TNFSF4: variants seen among roughly 807,000 people sequenced by gnomAD.
The protein encoded by TNFSF4 is TNF superfamily member 4, also known as tumor necrosis factor ligand superfamily member 4.
Under a neutral mutation model 7.3 loss-of-function variants are expected in TNFSF4, and 4 were observed. That is an observed-to-expected ratio of 0.55 (90% CI 0.27 to 1.25). TNFSF4 has a LOEUF of 1.25. Among genes scored for constraint, TNFSF4 ranks in the 50% most tolerant of loss-of-function variants. The probability of loss-of-function intolerance (pLI) is 0.12; values close to 1 mark genes in which losing one functional copy is unlikely to be tolerated. For synonymous variants in TNFSF4, 76 were observed against 83.7 expected (o/e 0.91, Z 0.50); for missense variants, 181 against 208.8 (o/e 0.87, Z 0.82).
chr1:173,440,060 T>C, the TNFSF4 span, among the ~76,000 whole-genome samples: 28,343 of 152,184 alleles, frequency 0.19, 2,716 homozygotes, highest in East Asian at 0.31. Flanking sequence ...AGAATCCCTT[T>C]CTACCCTTAT....
chr1:173,393,729 G>C, the TNFSF4 span, among the ~76,000 whole-genome samples: 2 of 152,220 alleles, frequency 1.3e-5, no homozygotes, highest in Non-Finnish European at 2.9e-5. Context: ...TTACAACTGA[G>C]ACTATCTGTA....
chr1:173,361,596 C>T, the TNFSF4 span, among the ~76,000 whole-genome samples: 2 of 151,736 alleles, frequency 1.3e-5, no homozygotes, highest in East Asian at 3.9e-4. Flanking sequence ...AAGACTCCAT[C>T]TCCAAAAAAA....
chr1:173,204,292 A>G (rs749646743), intron 1 of TNFSF4, among the ~76,000 whole-genome samples: 4 of 152,214 alleles, frequency 2.6e-5, no homozygotes, highest in Non-Finnish European at 5.9e-5. Flanking sequence ...CTACTTTCTC[A>G]TAATACAGAT....
chr1:173,398,431 T>TTTTTTTTTTTTTTG, the TNFSF4 span, among the ~76,000 whole-genome samples: 1 of 124,466 alleles, frequency 8.0e-6, no homozygotes, highest in African/African-American at 3.1e-5. Context: ...TTTTTTTTTT[T>TTTTTTTTTTTTTTG]GTTCTCTTTT....
intron 1 of TNFSF4, among the ~76,000 whole-genome samples, chr1:173,192,052 C>T (rs1181346038): frequency 6.6e-6 from 1 of 152,192 alleles, no homozygotes; most frequent in African/African-American, 2.4e-5. Context: ...TGGTATGCAC[C>T]TGTAATCTTA....
intron 1 of TNFSF4, among the ~76,000 whole-genome samples, chr1:173,204,235 T>C (rs966986679): frequency 4.6e-5 from 7 of 152,178 alleles, no homozygotes; most frequent in Admixed American, 3.3e-4. Context: ...ATAAACTATA[T>C]ACTCATAAGA....
the TNFSF4 span, among the ~76,000 whole-genome samples, chr1:173,312,392 G>A: frequency 6.6e-6 from 1 of 152,058 alleles, no homozygotes; most frequent in Non-Finnish European, 1.5e-5. Flanking sequence ...TTGTGTTTGA[G>A]TGAATTTCCT....
chr1:173,423,111 TTAAG>T, the TNFSF4 span, among the ~76,000 whole-genome samples: 5 of 152,076 alleles, frequency 3.3e-5, no homozygotes, highest in Admixed American at 6.5e-5. Flanking sequence ...TATATCTTAA[TTAAG>T]TTATTAATAT....
At chr1:173,206,189 C>G (rs1274778376) in intron 1 of TNFSF4, among the ~76,000 whole-genome samples, 1 of 151,800 alleles carries the variant, frequency 6.6e-6, no homozygotes, top group Non-Finnish European at 1.5e-5. Flanking sequence ...CAAAGGAACA[C>G]GAAGAGAGTA....
chr1:173,400,476 C>G, the TNFSF4 span, among the ~76,000 whole-genome samples: 459 of 152,258 alleles, frequency 3.0e-3, 1 homozygote, highest in African/African-American at 0.01. Flanking sequence ...TTATGTTCTG[C>G]CTGCCTAGAG....
At chr1:173,433,540 CAA>C in the TNFSF4 span, among the ~76,000 whole-genome samples, 1 of 141,152 alleles carries the variant, frequency 7.1e-6, no homozygotes, top group Non-Finnish European at 1.6e-5. Context: ...ACAAAAAATA[CAA>C]AAAAAAAAAA....
chr1:173,233,726 A>G, the TNFSF4 span, among the ~76,000 whole-genome samples: 2 of 152,210 alleles, frequency 1.3e-5, no homozygotes, highest in African/African-American at 2.4e-5. Context: ...GAAAAATTCG[A>G]AAGACTATTT....
chr1:173,180,771 C>T (rs1206879647), downstream of TNFSF4, among the ~76,000 whole-genome samples: 1 of 152,122 alleles, frequency 6.6e-6, no homozygotes, highest in African/African-American at 2.4e-5. Context: ...ATCAATGCTA[C>T]TTACTGATGC....
At chr1:173,326,345 T>C in the TNFSF4 span, among the ~76,000 whole-genome samples, 1 of 152,144 alleles carries the variant, frequency 6.6e-6, no homozygotes, top group African/African-American at 2.4e-5. Flanking sequence ...CTCAATAAAT[T>C]AGGTATTGAT....
At chr1:173,405,874 A>G in the TNFSF4 span, among the ~76,000 whole-genome samples, 2 of 152,246 alleles carry the variant, frequency 1.3e-5, no homozygotes, top group Non-Finnish European at 2.9e-5. Context: ...ACTAGTAACT[A>G]AACCAGTTAT....
At chr1:173,278,168 T>C in the TNFSF4 span, among the ~76,000 whole-genome samples, 1 of 152,254 alleles carries the variant, frequency 6.6e-6, no homozygotes, top group Admixed American at 6.5e-5. Flanking sequence ...ATTTCAAGTC[T>C]TGAAATGTAA....
the TNFSF4 span, among the ~76,000 whole-genome samples, chr1:173,446,590 G>A: frequency 6.6e-6 from 1 of 152,320 alleles, no homozygotes; most frequent in South Asian, 2.1e-4. Flanking sequence ...AGTGGACTGG[G>A]AGAGGCAGAC....
the TNFSF4 span, among the ~76,000 whole-genome samples, chr1:173,304,515 T>G: frequency 6.6e-6 from 1 of 151,984 alleles, no homozygotes; most frequent in Non-Finnish European, 1.5e-5. Context: ...TGTTCACCAT[T>G]GTTAAGGCAA....
chr1:173,175,242 G>A, the TNFSF4 span: 1 of 152,080 alleles, frequency 6.6e-6, no homozygotes, highest in East Asian at 1.9e-4. Flanking sequence ...GATAAGTGGT[G>A]GTAAAATCTC....
Sources: allele counts gnomAD v4.1 joint callset (sites outside exome capture counted in the v4.1 genomes callset), GRCh38; gene constraint gnomAD v4.1.1; transcripts MANE v1.5; gene names NCBI Gene and HGNC (gene_info 2026-07-23, HGNC 2026-07-21).